GLS: variants seen among roughly 807,000 people sequenced by gnomAD.
GLS encodes glutaminase kidney isoform, mitochondrial.
A neutral mutation model predicts 86.7 loss-of-function variants in GLS; 36 were observed. The ratio of observed to expected loss-of-function variants is 0.42; its 90% CI spans 0.32 to 0.55. The LOEUF is 0.55. Among genes scored for constraint, GLS ranks in the 20% least tolerant of loss-of-function variants. GLS has a pLI of 0.17. For synonymous variants in GLS, 317 were observed against 305.9 expected, an observed-to-expected ratio of 1.04 and a Z score of -0.38; for missense variants, 528 against 833.4, an observed-to-expected ratio of 0.63 and a Z score of 4.51.
At chr2:190,881,529 G>T in intron 1 of GLS, 59 bp downstream of exon 1, 1 of 1,465,010 alleles carries the variant, frequency 6.8e-7, no homozygotes, top group Non-Finnish European at 9.2e-7. Context: ...GGCTCAGGCT[G>T]TGTGGGGCCC....
At chr2:190,932,932 G>T (rs1690154718) in intron 14 of GLS, 1 of 1,341,782 alleles carries the variant, frequency 7.5e-7, no homozygotes, top group African/African-American at 1.5e-5. Context: ...TTTTTTGCAA[G>T]TTATAAATAT....
chr2:190,919,109 A>C (rs1299141218), intron 7 of GLS, among the ~76,000 whole-genome samples: 5 of 152,152 alleles, frequency 3.3e-5, no homozygotes, highest in Non-Finnish European at 2.9e-5. Context: ...GGTTATCACA[A>C]ACCTTCAATT....
At position 190,963,117 on chromosome 2, in the gene GLS, TTCA is replaced by T; in HGVS notation, c.*133_*135del. The stretch of plus-strand genomic sequence containing the variant: ...TCATTTCAGTGTTACTGGAGTTTTC[TTCA>T]TTGTGCACACAGGACAAATCTGATC... On this transcript the variant is annotated 3_prime_UTR_variant, in exon 18 of 18. Coordinates refer to ENST00000320717, the MANE Select transcript of GLS (RefSeq NM_014905.5). 1 of 656,044 alleles carries T rather than the reference TTCA, an allele frequency of 1.5e-6. No individual in the cohort carries two copies. The highest frequency in any genetic ancestry group is 2.9e-5 in the East Asian group (1 of 34,014). 40.6% of individuals were successfully genotyped at this position (656,044 alleles called of 1,614,324 possible).
Position 190,913,653 on chromosome 2 carries a change from T to A in GLS, c.1038+3332T>A, listed in dbSNP as rs1050496868. On this transcript the variant is annotated intron_variant, in intron 7 of 17. Transcript: ENST00000320717. This position sits in a 1 kb window ranked among gnomAD's most constrained non-coding sequence, Gnocchi z 6.1. ...TGGTAAAAATTTCACGTAGTTTTAGTTTAAAAGTTAAGATCTGGTGATAAC... is the reference window on the plus strand; with the variant it reads ...TGGTAAAAATTTCACGTAGTTTTAGATTAAAAGTTAAGATCTGGTGATAAC... The A allele has an allele frequency of 2.3e-5, 22 of 977,716 alleles. No individual in the cohort carries two copies. The highest frequency in any genetic ancestry group is 1.2e-4 in the African/African-American group (7 of 57,098). 60.6% of individuals were successfully genotyped at this position (977,716 alleles called of 1,614,324 possible).
intron 7 of GLS, among the ~76,000 whole-genome samples, chr2:190,919,389 G>A (rs1227750409): frequency 6.6e-6 from 1 of 152,042 alleles, no homozygotes; most frequent in East Asian, 1.9e-4. Flanking sequence ...TTTTATTTTT[G>A]TGTATTAAAC....
chr2:190,904,648 T>C (rs1413211948), intron 5 of GLS, among the ~76,000 whole-genome samples: 2 of 152,192 alleles, frequency 1.3e-5, no homozygotes, highest in Non-Finnish European at 2.9e-5. Context: ...CCCTAAATAA[T>C]ACAGTACACC....
intron 1 of GLS, among the ~76,000 whole-genome samples, chr2:190,890,031 C>A (rs1688510193): frequency 6.6e-6 from 1 of 151,884 alleles, no homozygotes; most frequent in Non-Finnish European, 1.5e-5. Context: ...CATGAGGTGG[C>A]AGAGCAGGAA....
Position 190,920,925 on chromosome 2 carries a change from A to G in GLS, c.1039-99A>G, listed in dbSNP as rs973124676. ...TTCCTAGATTTAAAAATACTAATGC[A>G]GTATATTATAATAGTAGCTTTGAAA... On this transcript the variant is annotated intron_variant, in intron 7 of 17. Coordinates refer to ENST00000320717, the MANE Select transcript of GLS (RefSeq NM_014905.5). This position sits in a 1 kb window ranked among gnomAD's most constrained non-coding sequence, Gnocchi z 4.2. The G allele has an allele frequency of 3.1e-6, 2 of 647,512 alleles. No individual in the cohort carries two copies. Among genetic ancestry groups the G allele is most frequent in the Non-Finnish European group, 5.6e-6 (2 of 355,634 alleles). The allele number at this position is 647,512 out of a possible 1,614,324, so 40.1% of individuals were successfully genotyped here. A position where few individuals can be genotyped will look rare whatever the true frequency, so the allele number is the denominator to read the frequency against.
intron 6 of GLS, among the ~76,000 whole-genome samples, chr2:190,908,327 C>T (rs942975935): frequency 6.6e-6 from 1 of 152,188 alleles, no homozygotes; most frequent in Non-Finnish European, 1.5e-5. Flanking sequence ...CTCAGCCTCA[C>T]CTGTGAACAA....
In GLS at chr2:190,895,795, A is replaced by G. The variant is rs940834481; in HGVS notation, c.605+70A>G. On this transcript the variant is annotated intron_variant, in intron 3 of 17. Transcript: ENST00000320717. This position sits in a 1 kb window ranked among gnomAD's most constrained non-coding sequence, Gnocchi z 4.2. ...ACGGTGATTCTGCTTTTAAAACAAA[A>G]TTGCATCTTTGAAGGCCACTGCTTC... 9 of 1,306,136 alleles carry G rather than the reference A, an allele frequency of 6.9e-6. No homozygotes were observed. The highest frequency in any genetic ancestry group is 4.3e-5 in the Admixed American group (2 of 46,512). The allele number at this position is 1,306,136 out of a possible 1,614,324, so 80.9% of individuals were successfully genotyped here. A position where few individuals can be genotyped will look rare whatever the true frequency, so the allele number is the denominator to read the frequency against.
At chr2:190,961,693 T>TTTG (rs1208672170) in intron 17 of GLS, among the ~76,000 whole-genome samples, 3 of 150,008 alleles carry the variant, frequency 2.0e-5, no homozygotes, top group Non-Finnish European at 4.4e-5. Context: ...TCAGCTGTTT[T>TTTG]TTTTTTTTTT....
Position 190,954,383 on chromosome 2 carries a change from A to G in GLS, c.1713-201A>G, listed in dbSNP as rs1390581051. 6.6e-6 allele frequency among the ~76,000 whole-genome samples: 1 copy of G among 152,174 alleles called. No homozygotes were observed. Among genetic ancestry groups the G allele is most frequent in the Non-Finnish European group, 1.5e-5 (1 of 68,026 alleles). On this transcript the variant is annotated intron_variant, in intron 15 of 17. Transcript: ENST00000320717. This position sits in a 1 kb window ranked among gnomAD's most constrained non-coding sequence, Gnocchi z 4.0. ...TTAACATTTAATCTTACCTAAAAAA[A>G]AGCAAAGCTGAGGAAGAGAGGTGAA...
At chr2:190,916,804 G>C (rs1034556542) in intron 7 of GLS, among the ~76,000 whole-genome samples, 5 of 152,076 alleles carry the variant, frequency 3.3e-5, no homozygotes, top group African/African-American at 9.7e-5. Context: ...AATGCATACG[G>C]AAGTTGTGTT....
intron 14 of GLS, among the ~76,000 whole-genome samples, chr2:190,940,023 T>C (rs1690380205): frequency 6.6e-6 from 1 of 151,892 alleles, no homozygotes; most frequent in Non-Finnish European, 1.5e-5. Flanking sequence ...TATCTTTATA[T>C]ATGTTCACTT....
intron 12 of GLS, among the ~76,000 whole-genome samples, chr2:190,927,953 C>CT (rs1048903608): frequency 6.6e-6 from 1 of 152,132 alleles, no homozygotes; most frequent in East Asian, 1.9e-4. Flanking sequence ...AGTATATAGA[C>CT]TTTTTTTATT....
rs1490874621 is a variant in GLS, at chr2:190,955,974, T to G, written c.1853+1156T>G. Among the ~76,000 whole-genome samples the G allele has an allele frequency of 1.3e-5, 2 of 152,222 alleles. No homozygotes were observed. The highest frequency in any genetic ancestry group is 4.8e-5 in the African/African-American group (2 of 41,462). ...TTCACCCACTTTTTGATGGGGTTTTTTTGTTGTTGTAAATTTGCTTAACTT... is the reference window on the plus strand; with the variant it reads ...TTCACCCACTTTTTGATGGGGTTTTGTTGTTGTTGTAAATTTGCTTAACTT... On this transcript the variant is annotated intron_variant, in intron 17 of 17. Coordinates refer to ENST00000320717, the MANE Select transcript of GLS (RefSeq NM_014905.5). This position sits in a 1 kb window ranked among gnomAD's most constrained non-coding sequence, Gnocchi z 5.6.
chr2:190,897,374 CCT>C lies in GLS; in HGVS notation c.605+1652_605+1653del, dbSNP rs1263986109. On this transcript the variant is annotated intron_variant, in intron 3 of 17. Transcript: ENST00000320717. This position sits in a 1 kb window ranked among gnomAD's most constrained non-coding sequence, Gnocchi z 4.3. Reference sequence around the variant, plus strand: ...ATATGAAATTAAAAACAATTTAAATCCTCTGATTATTAAGCCAGGGAACTGCA... The same window carrying C: ...ATATGAAATTAAAAACAATTTAAATCCTGATTATTAAGCCAGGGAACTGCA... 2.6e-5 allele frequency among the ~76,000 whole-genome samples: 4 copies of C among 152,088 alleles called. No homozygotes were observed. The highest frequency in any genetic ancestry group is 9.7e-5 in the African/African-American group (4 of 41,424).
intron 1 of GLS, among the ~76,000 whole-genome samples, chr2:190,891,895 C>G (rs994341836): frequency 2.0e-5 from 3 of 152,172 alleles, no homozygotes; most frequent in Non-Finnish European, 4.4e-5. Flanking sequence ...TGCTTACTTT[C>G]ATCCCTTTGG....
intron 14 of GLS, among the ~76,000 whole-genome samples, chr2:190,939,672 T>A (rs1690371932): frequency 2.0e-5 from 3 of 151,922 alleles, no homozygotes; most frequent in Admixed American, 2.0e-4. Context: ...ATGTTTTATA[T>A]TGTGTTATTT....
Sources: gnomAD v4.1 joint callset for allele counts (sites outside exome capture counted in the v4.1 genomes callset) on GRCh38, gnomAD v4.1.1 for gene constraint, Gnocchi (gnomAD v3.1) non-coding constraint, MANE v1.5 for transcripts, NCBI Gene and HGNC (gene_info 2026-07-23, HGNC 2026-07-21) for gene names.